The following MAN1B1 variants were observed in gnomAD, a reference collection of about 807,000 sequenced individuals.
MAN1B1 encodes the protein mannosidase alpha class 1B member 1.
In MAN1B1, 66 loss-of-function variants were observed where a neutral mutation model predicts 75.5. The observed-to-expected ratio is 0.87, with a 90% confidence interval of 0.72 to 1.07. The LOEUF (loss-of-function observed/expected upper bound fraction) is 1.07, where lower values mean the gene tolerates loss of function less well. Among genes scored for constraint, MAN1B1 ranks in the 50% least tolerant of loss-of-function variants. The pLI is 0.00. For synonymous variants in MAN1B1, 453 were observed against 382.8 expected, an observed-to-expected ratio of 1.18 and a Z score of -2.14; for missense variants, 973 against 912.5, an observed-to-expected ratio of 1.07 and a Z score of -0.85.
In MAN1B1 at chr9:137,106,734, C is replaced by T. The variant is rs750359933; in HGVS notation, c.1491C>T (p.His497=). 3.1e-6 allele frequency: 5 copies of T among 1,613,414 alleles called. No individual in the cohort carries two copies. The highest frequency in any genetic ancestry group is 1.1e-5 in the South Asian group (1 of 91,090). The stretch of plus-strand genomic sequence containing the variant: ...AAGCCATCGAGGGTGTCAGAACGCA[C>T]CTGCTGCGGCACTCCGAGCCCAGTA... ...YVEAIEGVRT[H]LLRHSEPSKL... Residue 497 remains histidine (H), a synonymous_variant, in exon 10 of 13, where the codon CAC becomes CAT. Coordinates refer to ENST00000371589, the MANE Select transcript of MAN1B1 (RefSeq NM_016219.5).
chr9:137,106,378 T>C (rs1831106261), intron 9 of MAN1B1, 63 bp downstream of exon 9: 2 of 1,380,986 alleles, frequency 1.4e-6, no homozygotes, highest in South Asian at 2.6e-5. Context: ...CCCCCACTCC[T>C]GCTGCCCCCA....
Position 137,109,117 on chromosome 9 carries a change from G to T in MAN1B1, c.*526G>T, listed in dbSNP as rs749146641. ...GCTTGGAGGGCTGGACGGCAAGTCC[G>T]TCTAGCTCACGGGCCCCTCCAGTGG... is the stretch of plus-strand genomic sequence containing the variant. On this transcript the variant is annotated 3_prime_UTR_variant, in exon 13 of 13. Transcript: ENST00000371589. The T allele has an allele frequency of 4.4e-6, 2 of 455,014 alleles. No individual in the cohort carries two copies. The highest frequency in any genetic ancestry group is 1.4e-4 in the East Asian group (2 of 14,428). 28.2% of individuals were successfully genotyped at this position (455,014 alleles called of 1,614,324 possible).
chr9:137,088,159 A>C lies in MAN1B1; in HGVS notation c.304A>C (p.Ile102Leu), dbSNP rs149322865. The change falls in exon 2 of 13, where the codon ATC becomes CTC. Residue 102 changes from isoleucine to leucine, a missense_variant. Ile to Leu is a conservative substitution (Grantham distance 5). Coordinates refer to ENST00000371589, the MANE Select transcript of MAN1B1 (RefSeq NM_016219.5). Reference protein sequence around the residue: ...FLLFCGLLFYINLADHWKALA... With the variant: ...FLLFCGLLFYLNLADHWKALA... ...GCTTTTCTGTGGACTCCTCTTCTAC[A>C]TCAACTTGGCTGACCATTGGAAAGG... 2,253 of 1,614,196 alleles carry C rather than the reference A, an allele frequency of 1.4e-3. 2 individuals carry two copies. The highest frequency in any genetic ancestry group is 1.8e-3 in the Non-Finnish European group (2,110 of 1,180,038).
Position 137,107,253 on chromosome 9 carries a change from C to T in MAN1B1, c.1570C>T (p.His524Tyr), listed in dbSNP as rs1181557937. 6 of 1,612,710 alleles carry T rather than the reference C, an allele frequency of 3.7e-6. No homozygotes were observed. Among genetic ancestry groups the T allele is most frequent in the Admixed American group, 1.7e-5 (1 of 60,004 alleles). The change falls in exon 11 of 13, where the codon CAC becomes TAC. Residue 524 changes from histidine (H) to tyrosine (Y), a missense_variant. Transcript: ENST00000371589. ...AHGRFSAKMDHLVCFLPGTLA... is the reference protein window; with the variant it reads ...AHGRFSAKMDYLVCFLPGTLA... ...TGAAGAGACCCTCTGATTCCAGGAC[C>T]ACCTGGTGTGCTTCCTGCCAGGGAC...
At chr9:137,093,986 A>T (rs1458645497) in intron 3 of MAN1B1, among the ~76,000 whole-genome samples, 2 of 151,636 alleles carry the variant, frequency 1.3e-5, no homozygotes, top group Non-Finnish European at 2.9e-5. Flanking sequence ...TCCCTACAAG[A>T]TCATAAAACT....
At position 137,099,777 on chromosome 9, in the gene MAN1B1, A is replaced by G. The variant is rs757068476; in HGVS notation, c.812A>G (p.His271Arg). 2 of 1,614,238 alleles carry G rather than the reference A, an allele frequency of 1.2e-6. No homozygotes were observed. The highest frequency in any genetic ancestry group is 1.7e-6 in the Non-Finnish European group (2 of 1,180,050). ...WKGYRKFAWGHDELKPVSRSF... is the reference protein window; with the variant it reads ...WKGYRKFAWGRDELKPVSRSF... ...GGATACCGCAAGTTTGCATGGGGCC[A>G]TGACGAGCTGAAGCCTGTGTCCAGG... Residue 271 changes from histidine (H) to arginine (R), a missense_variant, in exon 6 of 13, where the codon CAT becomes CGT. Coordinates refer to ENST00000371589, the MANE Select transcript of MAN1B1 (RefSeq NM_016219.5).
At chr9:137,091,911 G>A (rs188520830) in intron 3 of MAN1B1, among the ~76,000 whole-genome samples, 21 of 152,312 alleles carry the variant, frequency 1.4e-4, no homozygotes, top group Admixed American at 1.4e-3. Context: ...TCCTGCCTCA[G>A]TCTCCTGAAA....
chr9:137,099,594 T>C (rs1670169906), intron 5 of MAN1B1, 102 bp from the exon 6 acceptor site: 20 of 1,312,836 alleles, frequency 1.5e-5, no homozygotes, highest in Non-Finnish European at 2.2e-5. Flanking sequence ...CACCGTCATC[T>C]TTGCCCCATG....
chr9:137,087,547 C>T (rs932111107), intron 1 of MAN1B1: 32 of 570,934 alleles, frequency 5.6e-5, no homozygotes, highest in African/African-American at 3.7e-4. Flanking sequence ...GGAGGTTCCC[C>T]GTGGTGTATG....
rs1292070230 is a variant in MAN1B1 at position 137,107,578 on chromosome 9, G to C, written c.1812G>C (p.Leu604=). 2 of 1,612,566 alleles carry C rather than the reference G, an allele frequency of 1.2e-6. No homozygotes were observed. The highest frequency in any genetic ancestry group is 1.7e-6 in the Non-Finnish European group (2 of 1,179,984). ...NLLRPETVES[L]FYLYRVTGDR... ...TGCGGCCAGAGACCGTGGAGAGCCT[G>C]TTCTACCTGTACCGCGTCACAGGGG... Residue 604 remains leucine, a synonymous_variant, in exon 12 of 13, where the codon CTG becomes CTC. Transcript: ENST00000371589.
chr9:137,102,975 C>A (rs1474213528), intron 8 of MAN1B1: 15 of 221,976 alleles, frequency 6.8e-5, no homozygotes, highest in African/African-American at 1.4e-4. Flanking sequence ...CTTTTGCAGG[C>A]GTGCAGGTCG....
chr9:137,091,011 G>C (rs1348367373), intron 3 of MAN1B1, among the ~76,000 whole-genome samples: 1 of 152,204 alleles, frequency 6.6e-6, no homozygotes, highest in Non-Finnish European at 1.5e-5. Context: ...AGAGGGTGTA[G>C]GGTGGGAATT....
chr9:137,096,159 C>G (rs1159349499), intron 3 of MAN1B1, 78 bp from the exon 4 acceptor site: 22 of 1,506,784 alleles, frequency 1.5e-5, no homozygotes, highest in Middle Eastern at 3.4e-4. Context: ...TGGGCTGCAC[C>G]TGAGGGCGTC....
rs574912402 is a variant in MAN1B1 at position 137,109,070 on chromosome 9, C to G, written c.*479C>G. On this transcript the variant is annotated 3_prime_UTR_variant, in exon 13 of 13. Coordinates refer to ENST00000371589, the MANE Select transcript of MAN1B1 (RefSeq NM_016219.5). Reference sequence around the variant, plus strand: ...GTGTTTACAAGCTGGACTCAGGGATCCTCCTGGCCGCCCCGCAGGGGGCTT... The same window carrying G: ...GTGTTTACAAGCTGGACTCAGGGATGCTCCTGGCCGCCCCGCAGGGGGCTT... 2.2e-6 allele frequency: 1 copy of G among 454,552 alleles called. No individual in the cohort carries two copies. Among genetic ancestry groups the G allele is most frequent in the Admixed American group, 2.4e-5 (1 of 42,410 alleles). The allele number at this position is 454,552 out of a possible 1,614,324, so 28.2% of individuals were successfully genotyped here. A position where few individuals can be genotyped will look rare whatever the true frequency, so the allele number is the denominator to read the frequency against.
intron 6 of MAN1B1, among the ~76,000 whole-genome samples, chr9:137,100,661 C>A (rs948656947): frequency 6.6e-6 from 1 of 152,066 alleles, no homozygotes; most frequent in African/African-American, 2.4e-5. Flanking sequence ...GTGGTGTGGC[C>A]CAGGCTGGAG....
chr9:137,091,888 G>T (rs1830527069), intron 3 of MAN1B1, among the ~76,000 whole-genome samples: 1 of 152,158 alleles, frequency 6.6e-6, no homozygotes, highest in African/African-American at 2.4e-5. Context: ...CAACTCCTGA[G>T]CTGAAGTGAT....
intron 3 of MAN1B1, 105 bp downstream of exon 3, chr9:137,089,110 C>T (rs1416204266): frequency 7.3e-6 from 10 of 1,367,750 alleles, no homozygotes; most frequent in Admixed American, 3.4e-5. Context: ...TTTATTACCA[C>T]GTGTTTACCT....
Position 137,101,658 on chromosome 9 carries a change from G to A in MAN1B1, c.1240G>A (p.Asp414Asn). 6.2e-7 allele frequency: 1 copy of A among 1,612,500 alleles called. No individual in the cohort carries two copies. The highest frequency in any genetic ancestry group is 8.5e-7 in the Non-Finnish European group (1 of 1,179,134). ...CCGGGAGCTCTCCCGTCTCACAGGG[G>A]ATAAGAAGTTTCAGGTAAGGGGGCA... The part of the protein sequence containing the change: ...EFRELSRLTG[D>N]KKFQEAVEKV... Residue 414 changes from aspartate (D) to asparagine (N), a missense_variant, in exon 8 of 13, where the codon GAT becomes AAT. Physicochemically the swap from Asp to Asn is conservative, Grantham distance 23. Transcript: ENST00000371589.
chr9:137,100,338 C>T (rs1376814562), intron 6 of MAN1B1, among the ~76,000 whole-genome samples: 1 of 152,182 alleles, frequency 6.6e-6, no homozygotes, highest in Non-Finnish European at 1.5e-5. Context: ...CAGTAAACGA[C>T]GTGTGTAATT....
Sources: allele counts gnomAD v4.1 joint callset (sites outside exome capture counted in the v4.1 genomes callset), GRCh38; gene constraint gnomAD v4.1.1; transcripts MANE v1.5; gene names NCBI Gene and HGNC (gene_info 2026-07-23, HGNC 2026-07-21).